Variants in ERBB4 observed in about 807,000 individuals in gnomAD.
ERBB4 encodes the protein erb-b2 receptor tyrosine kinase 4, also known as receptor tyrosine-protein kinase erbB-4.
Under a neutral mutation model 158.0 loss-of-function variants are expected in ERBB4, and 42 were observed. The observed-to-expected ratio is 0.27, with a 90% CI of 0.21 to 0.34. The LOEUF is 0.34. Ranked by LOEUF, ERBB4 falls within the 10% of genes least tolerant of loss-of-function variation. ERBB4 has a pLI of 1.00. For missense variants in ERBB4, 1,333 were observed against 1,624.1 expected (o/e 0.82, Z 3.08); for synonymous variants, 583 against 558.7 (o/e 1.04, Z -0.61).
At chr2:211,533,916 A>G (rs538776344) in intron 20 of ERBB4, among the ~76,000 whole-genome samples, 1 of 152,252 alleles carries the variant, frequency 6.6e-6, no homozygotes, top group South Asian at 2.1e-4. Context: ...GCTCATGCTT[A>G]CTGAAGAGTA....
intron 2 of ERBB4, among the ~76,000 whole-genome samples, chr2:212,036,678 A>T (rs560770500): frequency 6.6e-6 from 1 of 152,096 alleles, no homozygotes; most frequent in Non-Finnish European, 1.5e-5. Flanking sequence ...GTTAGTCAGG[A>T]TGCTCTTGAT....
chr2:211,657,905 A>G (rs758726131), intron 15 of ERBB4, 77 bp from the exon 16 acceptor site: 2 of 1,600,112 alleles, frequency 1.2e-6, no homozygotes, highest in East Asian at 2.2e-5. Flanking sequence ...GTGCTCACAC[A>G]TGGAGCCTTG....
At chr2:212,424,444 A>G (rs373178848) in intron 1 of ERBB4, among the ~76,000 whole-genome samples, 1 of 152,178 alleles carries the variant, frequency 6.6e-6, no homozygotes, top group Non-Finnish European at 1.5e-5. Flanking sequence ...AGAAACAGGT[A>G]AAGTCCATCT....
intron 16 of ERBB4, among the ~76,000 whole-genome samples, chr2:211,632,226 T>C (rs1461785212): frequency 2.0e-5 from 3 of 152,100 alleles, no homozygotes; most frequent in Non-Finnish European, 2.9e-5. Context: ...AATTAAACTA[T>C]AGTATGGAAA....
Position 211,749,170 on chromosome 2 carries a change from G to C in ERBB4, c.622+1469C>G, listed in dbSNP as rs561486994. The stretch of plus-strand genomic sequence containing the variant: ...CGTCCAAAGAATAGGGAGGGAAATA[G>C]GCATTTATGTACATTGCTCTCGGTA... On this transcript the variant is annotated intron_variant, in intron 5 of 27. Transcript: ENST00000342788. 1.8e-3 allele frequency among the ~76,000 whole-genome samples: 277 copies of C among 152,172 alleles called. 1 individual carries two copies. The highest frequency in any genetic ancestry group is 3.2e-3 in the Non-Finnish European group (218 of 67,990).
At chr2:211,899,397 T>C (rs546770278) in intron 3 of ERBB4, among the ~76,000 whole-genome samples, 1 of 152,280 alleles carries the variant, frequency 6.6e-6, no homozygotes, top group East Asian at 1.9e-4. Context: ...TATTTTAAAT[T>C]CGGGCAATTC....
At chr2:212,428,999 T>C (rs907599207) in intron 1 of ERBB4, among the ~76,000 whole-genome samples, 17 of 152,150 alleles carry the variant, frequency 1.1e-4, no homozygotes, top group African/African-American at 4.1e-4. Context: ...ATTTAAAGAA[T>C]GTTAATATAA....
intron 1 of ERBB4, among the ~76,000 whole-genome samples, chr2:212,267,244 T>C (rs1357448430): frequency 6.6e-6 from 1 of 151,924 alleles, no homozygotes; most frequent in Non-Finnish European, 1.5e-5. Context: ...AATCAGAACA[T>C]GGGAAAAGAG....
intron 3 of ERBB4, among the ~76,000 whole-genome samples, chr2:211,927,958 A>G (rs2080065979): frequency 6.6e-6 from 1 of 152,184 alleles, no homozygotes; most frequent in African/African-American, 2.4e-5. Context: ...ACAGGGGTAC[A>G]TCAGTGACAC....
chr2:212,124,146 T>A (rs985605144), intron 2 of ERBB4, among the ~76,000 whole-genome samples: 2 of 149,840 alleles, frequency 1.3e-5, no homozygotes, highest in African/African-American at 2.4e-5. Flanking sequence ...AAGCAAAAAA[T>A]AATAATAATA....
chr2:212,485,786 G>A (rs1425019655), intron 1 of ERBB4, among the ~76,000 whole-genome samples: 1 of 152,100 alleles, frequency 6.6e-6, no homozygotes, highest in African/African-American at 2.4e-5. Flanking sequence ...TTAGGGTCCA[G>A]TAAGGGCTTT....
Position 211,950,965 on chromosome 2 carries a change from T to A in ERBB4, c.235-3349A>T, listed in dbSNP as rs578210501. On this transcript the variant is annotated intron_variant, in intron 2 of 27. Transcript: ENST00000342788. The stretch of plus-strand genomic sequence containing the variant: ...TGAGCTCTTAAAGAGAGATTATACA[T>A]ACATTCTGACATCATATGGTCTAAA... Among the ~76,000 whole-genome samples the A allele has an allele frequency of 2.1e-4, 32 of 152,300 alleles. 1 individual carries two copies. The highest frequency in any genetic ancestry group is 7.5e-4 in the African/African-American group (31 of 41,582).
intron 2 of ERBB4, among the ~76,000 whole-genome samples, chr2:212,026,013 T>G (rs2076764228): frequency 6.6e-6 from 1 of 151,654 alleles, no homozygotes; most frequent in Non-Finnish European, 1.5e-5. Context: ...AAAGTCTCAA[T>G]GAGGACAAAA....
chr2:211,968,915 T>C (rs557043798), intron 2 of ERBB4, among the ~76,000 whole-genome samples: 2 of 151,958 alleles, frequency 1.3e-5, no homozygotes, highest in African/African-American at 4.8e-5. Flanking sequence ...TTACAACCCA[T>C]TGAAGGACCT....
At chr2:212,118,720 T>A (rs55957700) in intron 2 of ERBB4, among the ~76,000 whole-genome samples, 61,703 of 149,092 alleles carry the variant, frequency 0.41, 14,953 homozygotes, top group Non-Finnish European at 0.55. Flanking sequence ...AAAGTTTTTT[T>A]AAAAAAAAAT....
At chr2:212,289,639 T>C (rs1305962953) in intron 1 of ERBB4, among the ~76,000 whole-genome samples, 1 of 152,108 alleles carries the variant, frequency 6.6e-6, no homozygotes, top group Non-Finnish European at 1.5e-5. Context: ...TTGGGCTCAA[T>C]GGGAATTCTA....
In ERBB4 at chr2:211,821,781, C is replaced by T. The variant is rs563308502; in HGVS notation, c.422-33622G>A. Among the ~76,000 whole-genome samples, 8 of 151,828 alleles carry T rather than the reference C, an allele frequency of 5.3e-5. No individual in the cohort carries two copies. The East Asian group carries it at 7.7e-4, about 15-fold the overall frequency. On this transcript the variant is annotated intron_variant, in intron 3 of 27. Coordinates refer to ENST00000342788, the MANE Select transcript of ERBB4 (RefSeq NM_005235.3). ...AAAGAACAGTTTGTTTAACAAATGG[C>T]GCTAGGAAAACTGGAAATCTAAATG...
chr2:211,532,716 G>A (rs1040475237), intron 20 of ERBB4, among the ~76,000 whole-genome samples: 18 of 151,734 alleles, frequency 1.2e-4, no homozygotes, highest in Non-Finnish European at 5.9e-5. Context: ...AATGAGAAGA[G>A]AAAAGATATC....
At chr2:212,332,781 G>T (rs2088241161) in intron 1 of ERBB4, among the ~76,000 whole-genome samples, 1 of 151,868 alleles carries the variant, frequency 6.6e-6, no homozygotes, top group South Asian at 2.1e-4. Flanking sequence ...ACAAGAATTG[G>T]GTTAATAAAA....
Sources: allele counts gnomAD v4.1 joint callset (sites outside exome capture counted in the v4.1 genomes callset), GRCh38; gene constraint gnomAD v4.1.1; transcripts MANE v1.5; gene names NCBI Gene and HGNC (gene_info 2026-07-23, HGNC 2026-07-21).